LINGO2: variants seen among roughly 807,000 people sequenced by gnomAD.
LINGO2 encodes the protein leucine rich repeat and Ig domain containing 2.
LINGO2 carries 14 observed loss-of-function variants against 30.6 expected under a neutral mutation model. The ratio of observed to expected loss-of-function variants is 0.46; its 90% CI spans 0.30 to 0.72. The LOEUF (loss-of-function observed/expected upper bound fraction) is 0.72. Ranked by LOEUF, LINGO2 falls within the 30% of genes least tolerant of loss-of-function variation. The probability of loss-of-function intolerance (pLI) is 0.07; values close to 1 mark genes in which losing one functional copy is unlikely to be tolerated. For missense variants in LINGO2, 729 were observed against 751.7 expected (o/e 0.97, Z 0.35); for synonymous variants, 317 against 288.5 (o/e 1.10, Z -1.00).
chr9:28,865,997 T>A, the LINGO2 span, among the ~76,000 whole-genome samples: 1 of 152,152 alleles, frequency 6.6e-6, no homozygotes, highest in Admixed American at 6.6e-5. Context: ...TATGTAGCAC[T>A]CTATGTTAGT....
In LINGO2 at chr9:28,355,363, CTGTGTGTGTGTGTGTGTGTG is replaced by C. The variant is rs61656726; in HGVS notation, c.-246+17453_-246+17472del. Among the ~76,000 whole-genome samples, 362 of 115,384 alleles carry C rather than the reference CTGTGTGTGTGTGTGTGTGTG, an allele frequency of 3.1e-3. 1 individual carries two copies. Among genetic ancestry groups the C allele is most frequent in the Non-Finnish European group, 4.7e-3 (262 of 56,260 alleles). The allele number at this position is 115,384 out of a possible 152,430, so 75.7% of individuals were successfully genotyped here. On this transcript the variant is annotated intron_variant, in intron 3 of 5. Coordinates refer to ENST00000379992, the Ensembl canonical transcript of LINGO2. ...TCTCTCTCTCTCTCTCTCCCTCCCT[CTGTGTGTGTGTGTGTGTGTG>C]TGTGTGTGTGTGTGTGTGTGTGTGT...
At chr9:28,058,143 C>T (rs906986962) in intron 4 of LINGO2, among the ~76,000 whole-genome samples, 3 of 152,036 alleles carry the variant, frequency 2.0e-5, no homozygotes, top group Non-Finnish European at 4.4e-5. Flanking sequence ...ATAAATAATT[C>T]CAGCTGCTAG....
At chr9:28,170,077 T>C (rs1564015397) in intron 4 of LINGO2, among the ~76,000 whole-genome samples, 1 of 152,232 alleles carries the variant, frequency 6.6e-6, no homozygotes. Flanking sequence ...TAACTTTCTG[T>C]TGTATTCACT....
the LINGO2 span, among the ~76,000 whole-genome samples, chr9:28,782,224 T>C: frequency 6.6e-6 from 1 of 152,168 alleles, no homozygotes; most frequent in African/African-American, 2.4e-5. Flanking sequence ...ATGGAGTCCT[T>C]AGTTCAATTG....
At chr9:29,118,651 C>T in the LINGO2 span, among the ~76,000 whole-genome samples, 1 of 152,170 alleles carries the variant, frequency 6.6e-6, no homozygotes, top group Non-Finnish European at 1.5e-5. Context: ...TCAAAAGCAG[C>T]CCCAACCCGG....
At chr9:28,890,639 T>A in the LINGO2 span, among the ~76,000 whole-genome samples, 1 of 152,066 alleles carries the variant, frequency 6.6e-6, no homozygotes. Context: ...TAGACCCCAC[T>A]GAATAACCTC....
chr9:28,058,387 A>G (rs567823578), intron 4 of LINGO2, among the ~76,000 whole-genome samples: 1 of 152,296 alleles, frequency 6.6e-6, no homozygotes, highest in South Asian at 2.1e-4. Flanking sequence ...TCACTCATAC[A>G]TAAGGTACCC....
At chr9:28,087,823 T>C (rs1487764229) in intron 4 of LINGO2, among the ~76,000 whole-genome samples, 2 of 152,048 alleles carry the variant, frequency 1.3e-5, no homozygotes, top group African/African-American at 4.8e-5. Flanking sequence ...TCCTGTAACA[T>C]GAGTAACCCA....
intron 4 of LINGO2, among the ~76,000 whole-genome samples, chr9:28,055,218 A>G (rs1824869506): frequency 6.6e-6 from 1 of 152,152 alleles, no homozygotes; most frequent in African/African-American, 2.4e-5. Context: ...TTTCTTATGA[A>G]CGTGAAAATA....
intron 4 of LINGO2, among the ~76,000 whole-genome samples, chr9:28,189,253 GAGGA>G (rs1819661024): frequency 4.7e-5 from 5 of 105,782 alleles, no homozygotes; most frequent in Admixed American, 1.0e-4. Context: ...GGGAGGAAGG[GAGGA>G]AGGAAGGGAG....
chr9:28,225,674 T>C (rs1307435540), intron 4 of LINGO2, among the ~76,000 whole-genome samples: 1 of 152,076 alleles, frequency 6.6e-6, no homozygotes, highest in Non-Finnish European at 1.5e-5. Flanking sequence ...TCAACAATTT[T>C]AAAATTCCTT....
At chr9:28,221,890 A>C (rs1820978745) in intron 4 of LINGO2, among the ~76,000 whole-genome samples, 1 of 152,134 alleles carries the variant, frequency 6.6e-6, no homozygotes, top group Non-Finnish European at 1.5e-5. Context: ...TTTCCTTCAG[A>C]GTAAGTTAAT....
At chr9:28,495,298 A>G (rs924065050) in intron 1 of LINGO2, among the ~76,000 whole-genome samples, 20 of 152,166 alleles carry the variant, frequency 1.3e-4, no homozygotes, top group African/African-American at 4.8e-4. Context: ...GCCCATGCCT[A>G]TGTCCTGAAT....
the LINGO2 span, among the ~76,000 whole-genome samples, chr9:28,754,917 C>T: frequency 6.6e-6 from 1 of 151,996 alleles, no homozygotes; most frequent in Non-Finnish European, 1.5e-5. Context: ...AGGCATAAGC[C>T]ACCACGCCCA....
intron 3 of LINGO2, among the ~76,000 whole-genome samples, chr9:28,344,063 G>A (rs1697211865): frequency 6.6e-6 from 1 of 151,848 alleles, no homozygotes; most frequent in Admixed American, 6.6e-5. Context: ...GCAAACTACT[G>A]GGCCCCTCTA....
At chr9:28,929,609 C>T in the LINGO2 span, among the ~76,000 whole-genome samples, 3 of 152,118 alleles carry the variant, frequency 2.0e-5, no homozygotes, top group African/African-American at 7.2e-5. Flanking sequence ...ACAAAGGAAA[C>T]CATAAATCTT....
the LINGO2 span, among the ~76,000 whole-genome samples, chr9:29,102,767 A>T: frequency 6.6e-6 from 1 of 152,132 alleles, no homozygotes; most frequent in Non-Finnish European, 1.5e-5. Context: ...CTCAGTGTAT[A>T]TTAAAATATA....
At chr9:28,843,785 T>C in the LINGO2 span, among the ~76,000 whole-genome samples, 1 of 151,820 alleles carries the variant, frequency 6.6e-6, no homozygotes, top group South Asian at 2.1e-4. Context: ...AGGATAAGCA[T>C]GTATTTTTTG....
At chr9:28,950,046 A>G in the LINGO2 span, among the ~76,000 whole-genome samples, 2 of 152,166 alleles carry the variant, frequency 1.3e-5, no homozygotes, top group African/African-American at 4.8e-5. Context: ...TTTATCCACC[A>G]CAAACAAGTT....
Sources: gnomAD v4.1 joint callset for allele counts (sites outside exome capture counted in the v4.1 genomes callset) on GRCh38, gnomAD v4.1.1 for gene constraint, MANE v1.5 for transcripts, NCBI Gene and HGNC (gene_info 2026-07-23, HGNC 2026-07-21) for gene names.